The following DMD variants were observed in gnomAD, a reference collection of about 807,000 sequenced individuals.
DMD encodes dystrophin.
DMD carries 63 observed loss-of-function variants against 330.1 expected under a neutral mutation model. The observed-to-expected ratio is 0.19, with a 90% CI of 0.16 to 0.24. The LOEUF (loss-of-function observed/expected upper bound fraction) is 0.24, where lower values mean the gene tolerates loss of function less well. Among genes scored for constraint, DMD ranks in the 10% least tolerant of loss-of-function variants. The pLI, the probability that DMD is intolerant of heterozygous loss-of-function variation, is 1.00. For missense variants in DMD, 3,344 were observed against 2,684.1 expected (o/e 1.25, Z -5.43); for synonymous variants, 1,223 against 959.8 (o/e 1.27, Z -5.07).
intron 1 of DMD, among the ~76,000 whole-genome samples, chrX:33,189,056 C>A (rs1210298454): frequency 3.6e-5 from 4 of 111,552 alleles, no homozygotes; most frequent in Non-Finnish European, 7.5e-5. Flanking sequence ...CAAAATAATA[C>A]ATTCCTTATT....
intron 2 of DMD, among the ~76,000 whole-genome samples, chrX:33,007,811 A>C (rs946171585): frequency 1.3e-4 from 15 of 111,809 alleles, no homozygotes; most frequent in Admixed American, 3.8e-4. Context: ...AACTTCAAGT[A>C]CAGATATGAT....
At chrX:31,804,226 T>C (rs1011909476) in intron 50 of DMD, among the ~76,000 whole-genome samples, 1 of 111,621 alleles carries the variant, frequency 9.0e-6, no homozygotes, top group Non-Finnish European at 1.9e-5. Flanking sequence ...CTCCATAGTT[T>C]AGTAATTTCT....
At chrX:32,826,028 G>A (rs1182579672) in intron 4 of DMD, among the ~76,000 whole-genome samples, 3 of 111,048 alleles carry the variant, frequency 2.7e-5, no homozygotes, top group Non-Finnish European at 5.7e-5. Context: ...CCCTATCTAG[G>A]GCAATGAACC....
rs189263211 is a variant in DMD, at chrX:33,207,698, T to C, written c.31+3584A>G. Among the ~76,000 whole-genome samples the C allele has an allele frequency of 2.9e-3, 321 of 111,646 alleles. 1 individual carries two copies. The highest frequency in any genetic ancestry group is 4.3e-3 in the Non-Finnish European group (227 of 53,028). ...ATGAAACTTCAGAACTCCAAACATA[T>C]GTCAATATTTTATAGCATGAAACCC... On this transcript the variant is annotated intron_variant, in intron 1 of 78. Transcript: ENST00000357033.
intron 43 of DMD, among the ~76,000 whole-genome samples, chrX:32,283,322 C>T (rs1032055536): frequency 1.4e-4 from 16 of 111,601 alleles, no homozygotes; most frequent in Admixed American, 1.0e-3. Context: ...AGCATTATTG[C>T]GGTCATAGCT....
Position 31,875,371 on chromosome X carries a change from A to C in DMD, c.6915T>G (p.Val2305=). ...CTTGTTTCTCAGGTAAAGCTCTGGAAACCTGAAAGGAAAATACATTTTAAA... is the reference window on the plus strand; with the variant it reads ...CTTGTTTCTCAGGTAAAGCTCTGGACACCTGAAAGGAAAATACATTTTAAA... ...LKQTNLQWIK[V]SRALPEKQGE... is the part of the protein sequence containing the mutation. The change falls in exon 48 of 79, where the codon GTT becomes GTG. Residue 2305 remains valine, a splice_region_variant and synonymous_variant. Transcript: ENST00000357033. 1 of 1,198,440 alleles carries C rather than the reference A, an allele frequency of 8.3e-7. No homozygotes were observed.
At chrX:32,541,242 G>A (rs1603635867) in intron 17 of DMD, among the ~76,000 whole-genome samples, 1 of 110,743 alleles carries the variant, frequency 9.0e-6, no homozygotes, top group East Asian at 2.8e-4. Context: ...GTCGATAATA[G>A]ATGACTACCA....
chrX:32,785,371 T>C (rs1397896323), intron 7 of DMD, among the ~76,000 whole-genome samples: 1 of 111,445 alleles, frequency 9.0e-6, no homozygotes. Context: ...ATCTGCAAGA[T>C]TAAAGTTTGA....
intron 32 of DMD, among the ~76,000 whole-genome samples, chrX:32,386,920 G>A (rs1230044675): frequency 9.1e-6 from 1 of 109,768 alleles, no homozygotes; most frequent in African/African-American, 3.3e-5. Flanking sequence ...GGAAGTCAGT[G>A]GTGGCCAAAA....
At chrX:31,609,582 C>T (rs978695012) in intron 55 of DMD, among the ~76,000 whole-genome samples, 1 of 111,605 alleles carries the variant, frequency 9.0e-6, no homozygotes, top group African/African-American at 3.3e-5. Flanking sequence ...TTTCTCATCT[C>T]GTCTTTCAAA....
chrX:32,845,994 T>C lies in DMD; in HGVS notation c.187-1134A>G, dbSNP rs769285134. Among the ~76,000 whole-genome samples, 4 of 110,592 alleles carry C rather than the reference T, an allele frequency of 3.6e-5. No homozygotes were observed. The South Asian group carries it at 1.5e-3, about 42-fold the overall frequency. Reference sequence around the variant, plus strand: ...ATGCTGTCTCACAGGATCCAGACCTTGTCCAGGGCACTACTTATTGTTCAT... The same window carrying C: ...ATGCTGTCTCACAGGATCCAGACCTCGTCCAGGGCACTACTTATTGTTCAT... On this transcript the variant is annotated intron_variant, in intron 3 of 78. Coordinates refer to ENST00000357033, the MANE Select transcript of DMD (RefSeq NM_004006.3).
intron 44 of DMD, among the ~76,000 whole-genome samples, chrX:32,078,413 C>G (rs1403200550): frequency 8.9e-6 from 1 of 111,888 alleles, no homozygotes; most frequent in Non-Finnish European, 1.9e-5. Flanking sequence ...ACTTTCACCC[C>G]CTACATTCCG....
chrX:31,479,391 A>G (rs2068073416), intron 57 of DMD, among the ~76,000 whole-genome samples: 1 of 112,032 alleles, frequency 8.9e-6, no homozygotes, highest in Non-Finnish European at 1.9e-5. Context: ...CCTGACAGCC[A>G]TACTTCAAAT....
chrX:32,758,654 C>T (rs965509976), intron 7 of DMD, among the ~76,000 whole-genome samples: 3 of 111,383 alleles, frequency 2.7e-5, no homozygotes, highest in African/African-American at 9.8e-5. Flanking sequence ...CGGAATCAAA[C>T]CCCCCATTTA....
intron 2 of DMD, among the ~76,000 whole-genome samples, chrX:32,864,433 T>A (rs997215074): frequency 8.9e-6 from 1 of 112,428 alleles, no homozygotes; most frequent in Non-Finnish European, 1.9e-5. Flanking sequence ...AGGTGAGTTT[T>A]ACTTGAGCCT....
At chrX:31,476,159 TG>T (rs1362653140) in intron 59 of DMD, among the ~76,000 whole-genome samples, 1 of 106,875 alleles carries the variant, frequency 9.4e-6, no homozygotes, top group Non-Finnish European at 1.9e-5. Flanking sequence ...TTCTGCTTGG[TG>T]GGAGTTGGGG....
chrX:32,233,599 TTTTATTTA>T (rs767364915), intron 43 of DMD, among the ~76,000 whole-genome samples: 4,485 of 87,869 alleles, frequency 0.051, 139 homozygotes, highest in African/African-American at 0.082. Context: ...TTTCTTTTTC[TTTTATTTA>T]TTTATTTATT....
intron 44 of DMD, among the ~76,000 whole-genome samples, chrX:32,213,435 C>A (rs187721711): frequency 8.9e-6 from 1 of 112,234 alleles, no homozygotes; most frequent in African/African-American, 3.2e-5. Flanking sequence ...GGAAAGATAA[C>A]CTAAGGTACA....
At chrX:31,857,590 A>G (rs893760507) in intron 48 of DMD, among the ~76,000 whole-genome samples, 25 of 109,402 alleles carry the variant, frequency 2.3e-4, no homozygotes, top group African/African-American at 8.3e-4. Flanking sequence ...CCAAATATTC[A>G]TTGTGTCAAG....
Sources: gnomAD v4.1 joint callset for allele counts (sites outside exome capture counted in the v4.1 genomes callset) on GRCh38, gnomAD v4.1.1 for gene constraint, MANE v1.5 for transcripts, NCBI Gene and HGNC (gene_info 2026-07-23, HGNC 2026-07-21) for gene names.